Variants in TYW1 observed in about 807,000 individuals in gnomAD.
TYW1 encodes the protein tRNA-yW synthesizing protein 1 homolog.
Under a neutral mutation model 96.2 loss-of-function variants are expected in TYW1, and 46 were observed. The observed-to-expected ratio is 0.48, with a 90% CI of 0.38 to 0.61. The LOEUF is 0.61. TYW1 is among the 20% of genes least tolerant of loss of function. The pLI is 0.00. For missense variants in TYW1, 684 were observed against 909.6 expected (o/e 0.75, Z 3.19); for synonymous variants, 274 against 323.0 (o/e 0.85, Z 1.63).
intron 15 of TYW1, among the ~76,000 whole-genome samples, chr7:67,202,818 C>G (rs1366032932): frequency 2.0e-5 from 3 of 152,138 alleles, no homozygotes; most frequent in Non-Finnish European, 2.9e-5. Flanking sequence ...AAACTGAATA[C>G]CAAGTCTTTA....
At chr7:67,211,831 C>T (rs937222480) in intron 15 of TYW1, among the ~76,000 whole-genome samples, 1 of 152,220 alleles carries the variant, frequency 6.6e-6, no homozygotes, top group Non-Finnish European at 1.5e-5. Context: ...GTCTTGCAGA[C>T]TCCACCCGTT....
intron 13 of TYW1, among the ~76,000 whole-genome samples, chr7:67,177,396 T>A (rs1180263678): frequency 6.6e-6 from 1 of 151,936 alleles, no homozygotes; most frequent in Non-Finnish European, 1.5e-5. Context: ...TAGGAGTTCT[T>A]ATTGATCAGA....
At chr7:67,101,225 G>A (rs1267961472) in intron 12 of TYW1, among the ~76,000 whole-genome samples, 1 of 152,150 alleles carries the variant, frequency 6.6e-6, no homozygotes, top group East Asian at 1.9e-4. Flanking sequence ...TGAGAGTGAA[G>A]TTTGGCAGTT....
chr7:67,166,902 T>C (rs1276978193), intron 13 of TYW1, among the ~76,000 whole-genome samples: 3 of 152,160 alleles, frequency 2.0e-5, no homozygotes, highest in African/African-American at 4.8e-5. Flanking sequence ...TGCCACCTGA[T>C]TGGGTGTTCT....
intron 13 of TYW1, among the ~76,000 whole-genome samples, chr7:67,181,603 C>T (rs1455027159): frequency 6.6e-6 from 1 of 151,958 alleles, no homozygotes; most frequent in Non-Finnish European, 1.5e-5. Flanking sequence ...ATCCCTTTCA[C>T]TTTACTGTTT....
intron 13 of TYW1, among the ~76,000 whole-genome samples, chr7:67,124,364 A>G (rs931259500): frequency 2.6e-5 from 4 of 151,702 alleles, no homozygotes; most frequent in African/African-American, 9.7e-5. Flanking sequence ...CTCCCTAGTA[A>G]TTGGGATACA....
chr7:67,185,845 C>T (rs956708495), intron 14 of TYW1, among the ~76,000 whole-genome samples: 5 of 150,692 alleles, frequency 3.3e-5, no homozygotes, highest in African/African-American at 1.2e-4. Context: ...CAACTCTGCT[C>T]ATTTCCGTTT....
intron 13 of TYW1, among the ~76,000 whole-genome samples, chr7:67,147,901 G>T (rs1798657809): frequency 6.6e-6 from 1 of 151,302 alleles, no homozygotes; most frequent in African/African-American, 2.4e-5. Flanking sequence ...TGGAAATTAG[G>T]AAGAAGGAAA....
intron 15 of TYW1, among the ~76,000 whole-genome samples, chr7:67,215,040 G>T (rs1303515030): frequency 6.7e-6 from 1 of 148,510 alleles, no homozygotes; most frequent in African/African-American, 2.5e-5. Context: ...TGTTTCCTCT[G>T]CTTCTATTTT....
chr7:67,067,155 C>A, intron 9 of TYW1, 130 bp from the exon 10 acceptor site: 2 of 1,038,302 alleles, frequency 1.9e-6, no homozygotes, highest in Non-Finnish European at 2.9e-6. Context: ...GAATTTCCTG[C>A]GTCATGCAGT....
At chr7:67,230,734 C>T (rs1801727751) in intron 15 of TYW1, among the ~76,000 whole-genome samples, 1 of 148,140 alleles carries the variant, frequency 6.8e-6, no homozygotes, top group Non-Finnish European at 1.5e-5. Context: ...CTCACTGCAA[C>T]CTCTACCTCC....
rs534044969 is a variant in TYW1 at position 67,055,702 on chromosome 7, G to A, written c.1103-133G>A. On this transcript the variant is annotated intron_variant, in intron 8 of 15. Transcript: ENST00000359626. ...CATCTTGCTGAATTAAATCTTTAATGTTTCCTGCCATGGGTTGGTTGACTG... is the reference window on the plus strand; with the variant it reads ...CATCTTGCTGAATTAAATCTTTAATATTTCCTGCCATGGGTTGGTTGACTG... 2.5e-3 allele frequency: 1,325 copies of A among 538,592 alleles called. 4 individuals are homozygous for A. The highest frequency in any genetic ancestry group is 3.5e-3 in the Non-Finnish European group (1,045 of 300,236). 33.4% of individuals were successfully genotyped at this position (538,592 alleles called of 1,614,324 possible).
intron 10 of TYW1, among the ~76,000 whole-genome samples, chr7:67,068,448 T>G (rs1169458578): frequency 6.6e-6 from 1 of 152,232 alleles, no homozygotes; most frequent in African/African-American, 2.4e-5. Flanking sequence ...CTATCAGATC[T>G]AATAGAAGCT....
intron 15 of TYW1, among the ~76,000 whole-genome samples, chr7:67,197,545 C>T (rs1378049396): frequency 8.5e-5 from 13 of 152,290 alleles, no homozygotes; most frequent in African/African-American, 1.4e-4. Flanking sequence ...AGGCTGGTTT[C>T]GACCTCCTGA....
intron 10 of TYW1, among the ~76,000 whole-genome samples, chr7:67,080,515 T>C (rs34512474): frequency 0.34 from 50,934 of 151,670 alleles, 9,071 homozygotes; most frequent in African/African-American, 0.45. Flanking sequence ...AAGCAATTCT[T>C]CTGCCTCAGC....
intron 7 of TYW1, among the ~76,000 whole-genome samples, chr7:67,031,851 A>G (rs1249346914): frequency 6.6e-6 from 1 of 151,182 alleles, no homozygotes; most frequent in East Asian, 2.0e-4. Context: ...ACACCAACCA[A>G]CCAAATTTAG....
rs146370228 is a variant in TYW1, at chr7:67,013,382, C to T, written c.376-985C>T. 3.7e-3 allele frequency among the ~76,000 whole-genome samples: 563 copies of T among 152,246 alleles called. 3 individuals are homozygous for T. The highest frequency in any genetic ancestry group is 0.013 in the African/African-American group (522 of 41,546). On this transcript the variant is annotated intron_variant, in intron 4 of 15. Transcript: ENST00000359626. ...AAGTGATCCACCCGCCTCAACCTCC[C>T]AAAGTCCTGGGATTACAGGTATGAG... is the stretch of plus-strand genomic sequence containing the variant.
chr7:67,033,264 C>CT (rs1794729115), intron 7 of TYW1, among the ~76,000 whole-genome samples: 1 of 152,096 alleles, frequency 6.6e-6, no homozygotes. Context: ...CTTTTGAAGT[C>CT]TGTCACCTGC....
chr7:67,177,083 A>G (rs1799696233), intron 13 of TYW1, among the ~76,000 whole-genome samples: 1 of 152,278 alleles, frequency 6.6e-6, no homozygotes, highest in South Asian at 2.1e-4. Flanking sequence ...CAATTAGATC[A>G]GTGGAACAGA....
Sources: allele counts gnomAD v4.1 joint callset (sites outside exome capture counted in the v4.1 genomes callset), GRCh38; gene constraint gnomAD v4.1.1; transcripts MANE v1.5; gene names NCBI Gene and HGNC (gene_info 2026-07-23, HGNC 2026-07-21).